RASEF: variants seen among roughly 807,000 people sequenced by gnomAD.
RASEF encodes the protein RAS and EF-hand domain containing, also known as ras and EF-hand domain-containing protein.
RASEF carries 68 observed loss-of-function variants against 90.1 expected under a neutral mutation model. That is an observed-to-expected ratio of 0.75 (90% CI 0.62 to 0.92). RASEF has a LOEUF of 0.92. Ranked by LOEUF, RASEF falls within the 40% of genes least tolerant of loss-of-function variation. The pLI, the probability that RASEF is intolerant of heterozygous loss-of-function variation, is 0.00. For missense variants in RASEF, 949 were observed against 937.2 expected (o/e 1.01, Z -0.16); for synonymous variants, 331 against 345.2 (o/e 0.96, Z 0.46).
chr9:82,991,121 A>T (rs1008171), intron 15 of RASEF, among the ~76,000 whole-genome samples: 6 of 151,712 alleles, frequency 4.0e-5, no homozygotes, highest in Non-Finnish European at 7.4e-5. Flanking sequence ...CTCATCCCCC[A>T]CTCACTCACA....
At chr9:83,043,364 A>G (rs1222984906) in intron 1 of RASEF, among the ~76,000 whole-genome samples, 4 of 150,848 alleles carry the variant, frequency 2.7e-5, no homozygotes, top group Admixed American at 1.3e-4. Context: ...GCAAAGGACA[A>G]TAACTTCTCT....
chr9:83,089,887 A>G, the RASEF span, among the ~76,000 whole-genome samples: 3 of 140,698 alleles, frequency 2.1e-5, no homozygotes, highest in African/African-American at 8.2e-5. Context: ...GACTTTATAG[A>G]TAGATGATAG....
chr9:83,040,218 G>C (rs1286686058), intron 1 of RASEF, among the ~76,000 whole-genome samples: 1 of 152,088 alleles, frequency 6.6e-6, no homozygotes, highest in East Asian at 1.9e-4. Context: ...AAAAATGGAT[G>C]AATACACTCC....
chr9:83,043,158 G>A (rs1404539271), intron 1 of RASEF, among the ~76,000 whole-genome samples: 1 of 152,236 alleles, frequency 6.6e-6, no homozygotes, highest in Non-Finnish European at 1.5e-5. Flanking sequence ...AGTACTATGT[G>A]TGACATCCAT....
chr9:83,029,655 C>T (rs1004050050), intron 1 of RASEF, among the ~76,000 whole-genome samples: 2 of 151,450 alleles, frequency 1.3e-5, no homozygotes, highest in African/African-American at 2.4e-5. Context: ...AGGTGATCCA[C>T]CCACCTCGCC....
intron 1 of RASEF, among the ~76,000 whole-genome samples, chr9:83,043,466 T>C (rs967488056): frequency 6.6e-6 from 1 of 152,232 alleles, no homozygotes; most frequent in Non-Finnish European, 1.5e-5. Context: ...TTCTGATTTA[T>C]TCAAGCATTC....
intron 1 of RASEF, among the ~76,000 whole-genome samples, chr9:83,053,970 C>G (rs1830062740): frequency 2.9e-5 from 1 of 34,824 alleles, no homozygotes; most frequent in Non-Finnish European, 5.3e-5. Flanking sequence ...CTCTGGCTGC[C>G]CTTAACATTT....
the RASEF span, among the ~76,000 whole-genome samples, chr9:83,115,017 C>T: frequency 7.2e-5 from 11 of 152,100 alleles, no homozygotes; most frequent in Middle Eastern, 3.2e-3. Context: ...GGGGACATCA[C>T]GGAACCTGCC....
the RASEF span, among the ~76,000 whole-genome samples, chr9:83,077,302 C>G: frequency 6.6e-6 from 1 of 152,152 alleles, no homozygotes; most frequent in Non-Finnish European, 1.5e-5. Flanking sequence ...GGGTGACATT[C>G]TTACAGAAAC....
At chr9:83,043,508 C>T (rs538365704) in intron 1 of RASEF, among the ~76,000 whole-genome samples, 4 of 152,244 alleles carry the variant, frequency 2.6e-5, no homozygotes, top group East Asian at 1.9e-4. Context: ...GTACACTTAA[C>T]GTTCTGTGTG....
chr9:83,143,671 G>A, the RASEF span, among the ~76,000 whole-genome samples: 1 of 152,138 alleles, frequency 6.6e-6, no homozygotes, highest in Non-Finnish European at 1.5e-5. Context: ...TGCTGGCAAG[G>A]CTGTGGAAAA....
the RASEF span, among the ~76,000 whole-genome samples, chr9:83,132,241 G>T: frequency 3.3e-5 from 5 of 152,066 alleles, no homozygotes; most frequent in Non-Finnish European, 5.9e-5. Flanking sequence ...TCAGAACTCG[G>T]AGCTACCATG....
At chr9:83,006,312 C>G (rs957945704) in intron 7 of RASEF, among the ~76,000 whole-genome samples, 1 of 152,162 alleles carries the variant, frequency 6.6e-6, no homozygotes, top group Non-Finnish European at 1.5e-5. Flanking sequence ...TCTTCTTCCC[C>G]TAAACTAGCC....
the RASEF span, among the ~76,000 whole-genome samples, chr9:83,121,162 A>G: frequency 6.6e-6 from 1 of 152,162 alleles, no homozygotes; most frequent in East Asian, 1.9e-4. Flanking sequence ...ATTATTTGTA[A>G]AGATTGGTTT....
At chr9:83,055,713 A>C in intron 1 of RASEF, 2 of 715,532 alleles carry the variant, frequency 2.8e-6, no homozygotes, top group Non-Finnish European at 5.2e-6. Flanking sequence ...CAAATCTGTA[A>C]TGCAGGTGAT....
chr9:83,162,712 T>A, the RASEF span, among the ~76,000 whole-genome samples: 2 of 152,158 alleles, frequency 1.3e-5, no homozygotes, highest in Non-Finnish European at 2.9e-5. Context: ...GAGAGGCAAG[T>A]ATAGAGAGTC....
At chr9:83,122,301 A>G in the RASEF span, among the ~76,000 whole-genome samples, 1 of 152,226 alleles carries the variant, frequency 6.6e-6, no homozygotes, top group African/African-American at 2.4e-5. Context: ...CCAAGCGAGC[A>G]TTCATTAAAA....
the RASEF span, among the ~76,000 whole-genome samples, chr9:83,192,560 T>C: frequency 6.6e-6 from 1 of 151,820 alleles, no homozygotes; most frequent in Non-Finnish European, 1.5e-5. Context: ...TACCAGACAG[T>C]GAAGGGTGGA....
the RASEF span, among the ~76,000 whole-genome samples, chr9:83,147,827 A>T: frequency 3.3e-5 from 5 of 152,018 alleles, no homozygotes. Context: ...GGGAGCTGGA[A>T]AGGGGATGGA....
Sources: gnomAD v4.1 joint callset for allele counts (sites outside exome capture counted in the v4.1 genomes callset) on GRCh38, gnomAD v4.1.1 for gene constraint, MANE v1.5 for transcripts, NCBI Gene and HGNC (gene_info 2026-07-23, HGNC 2026-07-21) for gene names.